Variants in DMD observed in about 807,000 individuals in gnomAD.
The protein encoded by DMD is mutant dystrophin.
A neutral mutation model predicts 330.1 loss-of-function variants in DMD; 63 were observed. That is an observed-to-expected ratio of 0.19 (90% CI 0.16 to 0.24). The LOEUF is 0.24. Ranked by LOEUF, DMD falls within the 10% of genes least tolerant of loss-of-function variation. DMD has a pLI of 1.00. For missense variants in DMD, 3,344 were observed against 2,684.1 expected, an observed-to-expected ratio of 1.25 and a Z score of -5.43; for synonymous variants, 1,223 against 959.8, an observed-to-expected ratio of 1.27 and a Z score of -5.07.
chrX:33,097,894 T>G (rs2095190600), intron 1 of DMD, among the ~76,000 whole-genome samples: 1 of 111,032 alleles, frequency 9.0e-6, no homozygotes, highest in African/African-American at 3.3e-5. Context: ...GGATTACAGG[T>G]GTGAGCCACC....
chrX:32,429,161 T>C (rs1006207667), intron 29 of DMD, among the ~76,000 whole-genome samples: 1 of 108,320 alleles, frequency 9.2e-6, no homozygotes, highest in Non-Finnish European at 1.9e-5. Flanking sequence ...ATTGAGCAAA[T>C]AGTTCTAGGA....
Position 31,231,472 on chromosome X carries a change from G to A in DMD, c.9287-8351C>T, listed in dbSNP as rs756625732. Reference sequence around the variant, plus strand: ...CATCTATCCTTTCAATATTTATTGTGCATGTACTATAAGCCAAGAACCATG... The same window carrying A: ...CATCTATCCTTTCAATATTTATTGTACATGTACTATAAGCCAAGAACCATG... On this transcript the variant is annotated intron_variant, in intron 63 of 78. Transcript: ENST00000357033. 3.1e-4 allele frequency among the ~76,000 whole-genome samples: 35 copies of A among 112,073 alleles called. 1 individual carries two copies. The highest frequency in any genetic ancestry group is 2.8e-4 in the Admixed American group (3 of 10,631).
At chrX:31,287,639 T>C (rs1255583506) in intron 62 of DMD, among the ~76,000 whole-genome samples, 2 of 112,067 alleles carry the variant, frequency 1.8e-5, no homozygotes, top group African/African-American at 3.2e-5. Flanking sequence ...GAAAGCATAA[T>C]CTATAGGAGG....
At chrX:32,094,158 G>A (rs932698045) in intron 44 of DMD, among the ~76,000 whole-genome samples, 2 of 111,953 alleles carry the variant, frequency 1.8e-5, no homozygotes, top group South Asian at 3.7e-4. Flanking sequence ...AACCTTCAAC[G>A]TTTGTTAACA....
At position 32,565,692 on chromosome X, in the gene DMD, T is replaced by C; in HGVS notation, c.1992+10A>G. On this transcript the variant is annotated intron_variant, in intron 16 of 78. Coordinates refer to ENST00000357033, the MANE Select transcript of DMD (RefSeq NM_004006.3). ...AGATAGTCTGTAGCATGATAATTGGTATCACTAACCTGTGCTGTACTCTTT... is the reference window on the plus strand; with the variant it reads ...AGATAGTCTGTAGCATGATAATTGGCATCACTAACCTGTGCTGTACTCTTT... The C allele has an allele frequency of 8.3e-7, 1 of 1,207,337 alleles. No individual in the cohort carries two copies. Among genetic ancestry groups the C allele is most frequent in the Non-Finnish European group, 1.1e-6 (1 of 891,402 alleles).
intron 45 of DMD, among the ~76,000 whole-genome samples, chrX:31,961,777 T>TTTTTG (rs577007942): frequency 1.9e-5 from 1 of 52,522 alleles, no homozygotes; most frequent in African/African-American, 1.8e-4. Context: ...TGTTCTTTGT[T>TTTTTG]TTTTTTTTTT....
At chrX:31,861,397 G>A (rs1408651813) in intron 48 of DMD, among the ~76,000 whole-genome samples, 2 of 110,334 alleles carry the variant, frequency 1.8e-5, no homozygotes. Flanking sequence ...ACAAATGCCA[G>A]TTTGACGCAG....
intron 54 of DMD, among the ~76,000 whole-genome samples, chrX:31,650,910 T>G (rs1227434173): frequency 1.8e-5 from 2 of 111,782 alleles, no homozygotes; most frequent in African/African-American, 6.5e-5. Flanking sequence ...CAAATGAGCG[T>G]AAAGACTTGA....
In DMD at chrX:33,042,088, T is replaced by C. The variant is rs763005519; in HGVS notation, c.32-21888A>G. ...CCTCTATGCCTCTCATACTTTAAAATTGAAATAAATTAATCTACTGCTCCA... is the reference window on the plus strand; with the variant it reads ...CCTCTATGCCTCTCATACTTTAAAACTGAAATAAATTAATCTACTGCTCCA... On this transcript the variant is annotated intron_variant, in intron 1 of 78. Coordinates refer to ENST00000357033, the MANE Select transcript of DMD (RefSeq NM_004006.3). Among the ~76,000 whole-genome samples, 4 of 111,015 alleles carry C rather than the reference T, an allele frequency of 3.6e-5. No homozygotes were observed. The East Asian group carries it at 1.1e-3, about 31-fold the overall frequency.
chrX:32,551,688 C>A (rs1160439398), intron 16 of DMD, among the ~76,000 whole-genome samples: 5 of 111,334 alleles, frequency 4.5e-5, no homozygotes, highest in Non-Finnish European at 5.7e-5. Flanking sequence ...GAGAGGAAGT[C>A]AAATTATCCC....
chrX:32,807,250 TA>T (rs2077033842), intron 7 of DMD, among the ~76,000 whole-genome samples: 1 of 83,161 alleles, frequency 1.2e-5, no homozygotes. Flanking sequence ...ATAGACACAA[TA>T]AAAAATGATA....
chrX:32,840,814 C>T (rs1204393860), intron 4 of DMD, among the ~76,000 whole-genome samples: 1 of 112,015 alleles, frequency 8.9e-6, no homozygotes, highest in Non-Finnish European at 1.9e-5. Flanking sequence ...GTATCATAGT[C>T]ACTTCCAGTT....
chrX:32,972,974 C>T (rs950706293), intron 2 of DMD, among the ~76,000 whole-genome samples: 1 of 111,556 alleles, frequency 9.0e-6, no homozygotes, highest in Admixed American at 9.6e-5. Flanking sequence ...GAGTTCACCA[C>T]CTTTGTGGAG....
intron 54 of DMD, among the ~76,000 whole-genome samples, chrX:31,654,689 A>G (rs1033035569): frequency 9.0e-6 from 1 of 111,538 alleles, no homozygotes; most frequent in Non-Finnish European, 1.9e-5. Flanking sequence ...GTTCTCATTT[A>G]TAAGTGGGAG....
intron 1 of DMD, among the ~76,000 whole-genome samples, chrX:33,143,187 A>C (rs377647745): frequency 9.0e-6 from 1 of 111,320 alleles, no homozygotes; most frequent in East Asian, 2.8e-4. Context: ...ATATATATTA[A>C]CTAGAACATA....
intron 55 of DMD, among the ~76,000 whole-genome samples, chrX:31,570,314 G>T (rs2075741910): frequency 9.0e-6 from 1 of 111,447 alleles, no homozygotes; most frequent in Non-Finnish European, 1.9e-5. Context: ...TATCACAGGA[G>T]ACATGATATC....
At chrX:32,952,421 T>G (rs2091306701) in intron 2 of DMD, among the ~76,000 whole-genome samples, 1 of 111,692 alleles carries the variant, frequency 9.0e-6, no homozygotes, top group African/African-American at 3.3e-5. Flanking sequence ...CCTGAGCCAC[T>G]GTGCCCAGCC....
At chrX:32,825,444 C>G (rs374041490) in intron 4 of DMD, among the ~76,000 whole-genome samples, 4 of 111,386 alleles carry the variant, frequency 3.6e-5, no homozygotes, top group Admixed American at 9.6e-5. Context: ...TACTACCCCC[C>G]CAGTGTCAAA....
At chrX:32,364,794 AGAC>A in intron 35 of DMD, 84 bp from the exon 36 acceptor site, 4 of 1,056,491 alleles carry the variant, frequency 3.8e-6, no homozygotes, top group Non-Finnish European at 5.2e-6. Flanking sequence ...AATGTTTAAA[AGAC>A]AACAATAAAG....
Sources: gnomAD v4.1 joint callset for allele counts (sites outside exome capture counted in the v4.1 genomes callset) on GRCh38, gnomAD v4.1.1 for gene constraint, MANE v1.5 for transcripts, NCBI Gene and HGNC (gene_info 2026-07-23, HGNC 2026-07-21) for gene names.